Variants in RELN observed in about 807,000 individuals in gnomAD.
RELN encodes the protein reelin.
In RELN, 108 loss-of-function variants were observed where a neutral mutation model predicts 427.6. The ratio of observed to expected loss-of-function variants is 0.25; its 90% CI spans 0.22 to 0.30. The LOEUF (loss-of-function observed/expected upper bound fraction) is 0.30, where lower values mean the gene tolerates loss of function less well. RELN is among the 10% of genes least tolerant of loss of function. The pLI, the probability that RELN is intolerant of heterozygous loss-of-function variation, is 1.00. For synonymous variants in RELN, 1,524 were observed against 1,513.4 expected (o/e 1.01, Z -0.16); for missense variants, 3,715 against 4,302.8 (o/e 0.86, Z 3.82).
chr7:103,662,024 C>T (rs1029166415), intron 11 of RELN, among the ~76,000 whole-genome samples: 4 of 152,174 alleles, frequency 2.6e-5, no homozygotes, highest in Non-Finnish European at 2.9e-5. Context: ...TGGGTCTCAT[C>T]AAACAGGTAA....
chr7:103,828,882 C>G (rs1188408259), intron 3 of RELN, among the ~76,000 whole-genome samples: 1 of 151,916 alleles, frequency 6.6e-6, no homozygotes, highest in Non-Finnish European at 1.5e-5. Flanking sequence ...ATACTGCAAA[C>G]TCTTATTTAA....
chr7:103,550,031 A>AT (rs1830378967), intron 41 of RELN, among the ~76,000 whole-genome samples: 1 of 152,176 alleles, frequency 6.6e-6, no homozygotes, highest in African/African-American at 2.4e-5. Context: ...AGTAATGCTT[A>AT]TTTTTAAAAA....
At chr7:103,942,920 A>AC (rs1247363517) in intron 1 of RELN, among the ~76,000 whole-genome samples, 1 of 151,808 alleles carries the variant, frequency 6.6e-6, no homozygotes, top group Non-Finnish European at 1.5e-5. Flanking sequence ...TCAGAAAAAA[A>AC]AAAAATTCTT....
At position 103,902,230 on chromosome 7, in the gene RELN, G is replaced by A. The variant is rs538045674; in HGVS notation, c.337+14845C>T. Among the ~76,000 whole-genome samples the A allele has an allele frequency of 3.9e-5, 6 of 152,076 alleles. No homozygotes were observed. The South Asian group carries it at 1.2e-3, about 32-fold the overall frequency. ...AAAAAGAAAGCCAAATCCCAGTTAA[G>A]TTCTTCTCTTATTAGTAACAGATTT... is the stretch of plus-strand genomic sequence containing the variant. On this transcript the variant is annotated intron_variant, in intron 2 of 64. Transcript: ENST00000428762.
rs1167166759 is a variant in RELN at position 103,763,039 on chromosome 7, GAGA to G, written c.545-9828_545-9826del. Among the ~76,000 whole-genome samples, 5 of 152,268 alleles carry G rather than the reference GAGA, an allele frequency of 3.3e-5. 1 individual carries two copies. The highest frequency in any genetic ancestry group is 1.2e-4 in the African/African-American group (5 of 41,544). On this transcript the variant is annotated intron_variant, in intron 4 of 64. Transcript: ENST00000428762. ...CTTTAAAAGAACACATATTATTCAGGAGAAGGACAGTTATTGCAGGTACACAGA... is the reference window on the plus strand; with the variant it reads ...CTTTAAAAGAACACATATTATTCAGGAGGACAGTTATTGCAGGTACACAGA...
At chr7:103,606,962 A>G (rs1242111496) in intron 22 of RELN, among the ~76,000 whole-genome samples, 1 of 151,960 alleles carries the variant, frequency 6.6e-6, no homozygotes, top group Non-Finnish European at 1.5e-5. Flanking sequence ...TAGTTTGCTG[A>G]GAATAATGGT....
At chr7:103,865,132 CA>C (rs386410871) in intron 2 of RELN, among the ~76,000 whole-genome samples, 2,745 of 67,252 alleles carry the variant, frequency 0.041, 38 homozygotes, top group African/African-American at 0.14. Flanking sequence ...GAAACTGTCT[CA>C]AAAAAAAAAA....
chr7:103,501,017 A>T, intron 52 of RELN, 95 bp from the exon 53 acceptor site: 1 of 1,107,990 alleles, frequency 9.0e-7, no homozygotes. Context: ...AAGAGAAAAA[A>T]CATTTAAGAT....
intron 6 of RELN, among the ~76,000 whole-genome samples, chr7:103,744,966 A>C (rs1001038853): frequency 6.6e-6 from 1 of 152,224 alleles, no homozygotes; most frequent in Non-Finnish European, 1.5e-5. Context: ...CAACCAAAAA[A>C]GATAATTTTA....
At chr7:103,478,525 C>CT (rs2116962627) in intron 63 of RELN, 131 bp from the exon 64 acceptor site, 2 of 677,778 alleles carry the variant, frequency 3.0e-6, no homozygotes, top group East Asian at 5.5e-5. Flanking sequence ...TTTTTCATCT[C>CT]TTTTGAAAAT....
In RELN at chr7:103,522,066, CTG is replaced by C; in HGVS notation, c.7622_7623del (p.Thr2541SerfsTer18). On this transcript the variant is annotated frameshift_variant, in exon 48 of 65. Coordinates refer to ENST00000428762, the MANE Select transcript of RELN (RefSeq NM_005045.4). LOFTEE classifies it high-confidence loss of function. ...WLTVNGGKLS[T>X]VCGAVASGMA... ...ATTCCCGACGCCACGGCTCCACACA[CTG>C]TACTCAATTTCCCTCCGTTCACAGT... 3 of 1,614,160 alleles carry C rather than the reference CTG, an allele frequency of 1.9e-6. No individual in the cohort carries two copies. Among genetic ancestry groups the C allele is most frequent in the Non-Finnish European group, 2.5e-6 (3 of 1,180,024 alleles).
intron 61 of RELN, among the ~76,000 whole-genome samples, chr7:103,485,099 C>A (rs1346691959): frequency 6.6e-6 from 1 of 151,948 alleles, no homozygotes; most frequent in Non-Finnish European, 1.5e-5. Context: ...GACTTAGAAA[C>A]GTATAAATGC....
intron 3 of RELN, among the ~76,000 whole-genome samples, chr7:103,779,977 C>T (rs1226068500): frequency 6.6e-6 from 1 of 152,220 alleles, no homozygotes; most frequent in Non-Finnish European, 1.5e-5. Context: ...CTGCCTGCCT[C>T]AGCCTCCCAA....
intron 4 of RELN, among the ~76,000 whole-genome samples, chr7:103,769,468 G>C (rs1791510884): frequency 6.6e-6 from 1 of 152,134 alleles, no homozygotes; most frequent in African/African-American, 2.4e-5. Flanking sequence ...CCTTGATTTT[G>C]AACTTCCCAG....
At chr7:103,964,636 C>T (rs1796626301) in intron 1 of RELN, among the ~76,000 whole-genome samples, 1 of 152,152 alleles carries the variant, frequency 6.6e-6, no homozygotes, top group African/African-American at 2.4e-5. Context: ...TATTTGCTTC[C>T]CCCTTTTTAT....
Position 103,874,439 on chromosome 7 carries a change from A to C in RELN, c.338-40767T>G, listed in dbSNP as rs911314423. Reference sequence around the variant, plus strand: ...ATTGTCCCTGTTTGCAGATGACATGATTGTATATCTAGAAAACCCCATTGT... The same window carrying C: ...ATTGTCCCTGTTTGCAGATGACATGCTTGTATATCTAGAAAACCCCATTGT... On this transcript the variant is annotated intron_variant, in intron 2 of 64. Coordinates refer to ENST00000428762, the MANE Select transcript of RELN (RefSeq NM_005045.4). Among the ~76,000 whole-genome samples the C allele has an allele frequency of 2.9e-4, 42 of 144,346 alleles. 3 individuals are homozygous for C. The highest frequency in any genetic ancestry group is 2.1e-4 in the Non-Finnish European group (14 of 65,256). The allele number at this position is 144,346 out of a possible 152,430, so 94.7% of individuals were successfully genotyped here. A position where few individuals can be genotyped will look rare whatever the true frequency, so the allele number is the denominator to read the frequency against.
chr7:103,923,137 G>C (rs552756476), intron 1 of RELN, among the ~76,000 whole-genome samples: 2 of 152,202 alleles, frequency 1.3e-5, no homozygotes, highest in South Asian at 4.2e-4. Flanking sequence ...AAATTCGTTT[G>C]CTTTTTGAAT....
intron 11 of RELN, among the ~76,000 whole-genome samples, chr7:103,664,033 G>A (rs1294522655): frequency 1.3e-5 from 2 of 152,184 alleles, no homozygotes; most frequent in Non-Finnish European, 2.9e-5. Flanking sequence ...CCCAAGTCCC[G>A]GTTGTGTCAG....
chr7:103,502,241 C>A (rs982677692), intron 52 of RELN, among the ~76,000 whole-genome samples: 1 of 152,166 alleles, frequency 6.6e-6, no homozygotes, highest in Non-Finnish European at 1.5e-5. Context: ...TCTTTAGATA[C>A]ATTCCAGAAA....
Sources: allele counts gnomAD v4.1 joint callset (sites outside exome capture counted in the v4.1 genomes callset), GRCh38; gene constraint gnomAD v4.1.1; transcripts MANE v1.5; gene names NCBI Gene and HGNC (gene_info 2026-07-23, HGNC 2026-07-21).